Variants in FGF12 observed in about 807,000 individuals in gnomAD.
FGF12 encodes fibroblast growth factor 12.
In FGF12, 14 loss-of-function variants were observed where a neutral mutation model predicts 23.6. That is an observed-to-expected ratio of 0.59 (90% CI 0.39 to 0.93). The LOEUF (loss-of-function observed/expected upper bound fraction) is 0.93, where lower values mean the gene tolerates loss of function less well. FGF12 is among the 40% of genes least tolerant of loss of function. The probability of loss-of-function intolerance (pLI) is 0.00; values close to 1 mark genes in which losing one functional copy is unlikely to be tolerated. For synonymous variants in FGF12, 62 were observed against 77.3 expected, an observed-to-expected ratio of 0.80 and a Z score of 1.04; for missense variants, 175 against 217.8, an observed-to-expected ratio of 0.80 and a Z score of 1.24.
intron 2 of FGF12, among the ~76,000 whole-genome samples, chr3:192,653,909 A>G (rs1317127306): frequency 6.6e-6 from 1 of 152,090 alleles, no homozygotes; most frequent in Non-Finnish European, 1.5e-5. Flanking sequence ...ATTTTTCAGT[A>G]GAGACGGGGT....
chr3:192,185,526 CT>C (rs373438437), intron 4 of FGF12, among the ~76,000 whole-genome samples: 3,257 of 150,904 alleles, frequency 0.022, 48 homozygotes, highest in Admixed American at 0.043. Context: ...TTTACATTTT[CT>C]TTTTTTTTCA....
At chr3:192,263,409 A>C (rs1712881644) in intron 4 of FGF12, among the ~76,000 whole-genome samples, 1 of 152,048 alleles carries the variant, frequency 6.6e-6, no homozygotes, top group Admixed American at 6.6e-5. Context: ...GAAGAATCAG[A>C]ATCTATATTT....
chr3:192,644,693 C>T (rs1715935534), intron 2 of FGF12, among the ~76,000 whole-genome samples: 1 of 152,148 alleles, frequency 6.6e-6, no homozygotes, highest in East Asian at 1.9e-4. Flanking sequence ...CTCACCCAAG[C>T]TGTGGGACTG....
At chr3:192,504,509 C>T (rs1404392655) in intron 2 of FGF12, among the ~76,000 whole-genome samples, 1 of 152,146 alleles carries the variant, frequency 6.6e-6, no homozygotes, top group African/African-American at 2.4e-5. Context: ...TCCATCCATT[C>T]TTCTCACTCT....
In FGF12 at chr3:192,379,421, TAAA is replaced by T. The variant is rs74271639; in HGVS notation, c.14-18886_14-18884del. 3.1e-3 allele frequency among the ~76,000 whole-genome samples: 302 copies of T among 96,302 alleles called. 1 individual carries two copies. Among genetic ancestry groups the T allele is most frequent in the African/African-American group, 8.8e-3 (258 of 29,322 alleles). 63.2% of individuals were successfully genotyped at this position (96,302 alleles called of 152,430 possible). A position where few individuals can be genotyped will look rare whatever the true frequency, so the allele number is the denominator to read the frequency against. On this transcript the variant is annotated intron_variant, in intron 2 of 5. Transcript: ENST00000445105. ...ATTTTGCGTGAACCTGAAACTGCTC[TAAA>T]AAAAAAAAAAAAAAAAAGCCTATCT...
At chr3:192,419,296 A>T (rs1447691870) in intron 2 of FGF12, among the ~76,000 whole-genome samples, 1 of 152,148 alleles carries the variant, frequency 6.6e-6, no homozygotes, top group East Asian at 1.9e-4. Flanking sequence ...TTCCTTGTTG[A>T]TCATGACCCC....
intron 2 of FGF12, among the ~76,000 whole-genome samples, chr3:192,712,382 A>G (rs1718718025): frequency 6.6e-6 from 1 of 151,984 alleles, no homozygotes; most frequent in African/African-American, 2.4e-5. Flanking sequence ...TTCTAGAATT[A>G]AAGAAGAGTT....
In FGF12 at chr3:192,554,551, G is replaced by A. The variant is rs114465278; in HGVS notation, c.13+172630C>T. 3.0e-3 allele frequency among the ~76,000 whole-genome samples: 464 copies of A among 152,228 alleles called. 1 individual carries two copies. Among genetic ancestry groups the A allele is most frequent in the African/African-American group, 0.01 (436 of 41,544 alleles). ...AGAAGCTCTCTAGAATATCTAGCTGGGCTGATTGGTAAAGATCTTTTCCTA... is the reference window on the plus strand; with the variant it reads ...AGAAGCTCTCTAGAATATCTAGCTGAGCTGATTGGTAAAGATCTTTTCCTA... On this transcript the variant is annotated intron_variant, in intron 2 of 5. Coordinates refer to ENST00000445105, the MANE Select transcript of FGF12 (RefSeq NM_004113.6).
At chr3:192,396,095 T>A (rs1328544844) in intron 2 of FGF12, among the ~76,000 whole-genome samples, 1 of 152,208 alleles carries the variant, frequency 6.6e-6, no homozygotes, top group East Asian at 1.9e-4. Flanking sequence ...CACGTGTATT[T>A]TTAAAAGACA....
At chr3:192,375,584 G>A (rs1296736090) in intron 2 of FGF12, among the ~76,000 whole-genome samples, 1 of 151,988 alleles carries the variant, frequency 6.6e-6, no homozygotes, top group Non-Finnish European at 1.5e-5. Flanking sequence ...CCCAAGAAAT[G>A]CTCGTCATAA....
intron 2 of FGF12, among the ~76,000 whole-genome samples, chr3:192,555,718 A>T (rs1037332213): frequency 1.5e-4 from 22 of 151,182 alleles, no homozygotes; most frequent in Non-Finnish European, 5.9e-5. Context: ...GAATTGCTTG[A>T]ACCCGGGAGG....
At chr3:192,301,232 G>C (rs554327141) in intron 4 of FGF12, among the ~76,000 whole-genome samples, 1 of 152,112 alleles carries the variant, frequency 6.6e-6, no homozygotes. Flanking sequence ...GAAGATAAAC[G>C]AATCACCGGG....
At chr3:192,202,489 T>G (rs766421980) in intron 4 of FGF12, among the ~76,000 whole-genome samples, 2 of 152,270 alleles carry the variant, frequency 1.3e-5, no homozygotes, top group Non-Finnish European at 2.9e-5. Flanking sequence ...CACTGTTTTT[T>G]AATTGAAATA....
At chr3:192,431,757 G>A (rs979121582) in intron 2 of FGF12, among the ~76,000 whole-genome samples, 1 of 152,132 alleles carries the variant, frequency 6.6e-6, no homozygotes, top group Non-Finnish European at 1.5e-5. Context: ...ATCTAGAAAT[G>A]TTGTTGAAAT....
Position 192,167,766 on chromosome 3 carries a change from TATAAA to T in FGF12, c.427+2687_427+2691del, listed in dbSNP as rs1468631103. ...ATATATATATATATATATATATATA[TATAAA>T]ATTTTTTTTTTTTTTTTTTTTTGAG... On this transcript the variant is annotated intron_variant, in intron 5 of 5. Coordinates refer to ENST00000445105, the MANE Select transcript of FGF12 (RefSeq NM_004113.6). Among the ~76,000 whole-genome samples, 53 of 31,242 alleles carry T rather than the reference TATAAA, an allele frequency of 1.7e-3. 5 individuals carry two copies. The highest frequency in any genetic ancestry group is 2.1e-3 in the Non-Finnish European group (34 of 16,408). 20.5% of individuals were successfully genotyped at this position (31,242 alleles called of 152,430 possible).
intron 4 of FGF12, among the ~76,000 whole-genome samples, chr3:192,236,756 A>G (rs1377949980): frequency 1.3e-5 from 2 of 151,924 alleles, no homozygotes; most frequent in Non-Finnish European, 2.9e-5. Flanking sequence ...TGTGAGATGG[A>G]TCTACAGTTG....
rs550162633 is a variant in FGF12 at position 192,577,015 on chromosome 3, C to T, written c.13+150166G>A. ...AGTGGGAATTGAACAATGAGAACAC[C>T]GGGACACAGGGAGGGAACATCACAC... On this transcript the variant is annotated intron_variant, in intron 2 of 5. Transcript: ENST00000445105. Among the ~76,000 whole-genome samples the T allele has an allele frequency of 1.1e-3, 170 of 152,028 alleles. 1 individual carries two copies. The highest frequency in any genetic ancestry group is 3.7e-3 in the African/African-American group (153 of 41,462).
At chr3:192,374,503 T>C (rs1719384711) in intron 2 of FGF12, among the ~76,000 whole-genome samples, 1 of 152,234 alleles carries the variant, frequency 6.6e-6, no homozygotes, top group Non-Finnish European at 1.5e-5. Flanking sequence ...ATTATAGTTT[T>C]ACCTATCCAT....
At chr3:192,694,670 A>AGAG (rs1718057140) in intron 2 of FGF12, among the ~76,000 whole-genome samples, 1 of 151,132 alleles carries the variant, frequency 6.6e-6, no homozygotes, top group Non-Finnish European at 1.5e-5. Context: ...ACACAGTAAA[A>AGAG]TAGTATACAG....
Sources: gnomAD v4.1 joint callset for allele counts (sites outside exome capture counted in the v4.1 genomes callset) on GRCh38, gnomAD v4.1.1 for gene constraint, MANE v1.5 for transcripts, NCBI Gene and HGNC (gene_info 2026-07-23, HGNC 2026-07-21) for gene names.